Variants in SYNDIG1L observed in about 807,000 individuals in gnomAD.
The protein encoded by SYNDIG1L is synapse differentiation inducing 1 like.
A neutral mutation model predicts 20.1 loss-of-function variants in SYNDIG1L; 13 were observed. The ratio of observed to expected loss-of-function variants is 0.65; its 90% CI spans 0.42 to 1.03. The LOEUF is 1.03. Among genes scored for constraint, SYNDIG1L ranks in the 50% least tolerant of loss-of-function variants. SYNDIG1L has a pLI of 0.00. For missense variants in SYNDIG1L, 294 were observed against 305.1 expected (o/e 0.96, Z 0.27); for synonymous variants, 128 against 129.3 (o/e 0.99, Z 0.07).
chr14:74,451,640 G>T, the SYNDIG1L span, among the ~76,000 whole-genome samples: 1 of 152,192 alleles, frequency 6.6e-6, no homozygotes, highest in African/African-American at 2.4e-5. Flanking sequence ...ATAAGCCATT[G>T]TTTGGGAGAA....
At chr14:74,416,914 G>A (rs1169733987) in intron 1 of SYNDIG1L, among the ~76,000 whole-genome samples, 1 of 152,204 alleles carries the variant, frequency 6.6e-6, no homozygotes, top group Non-Finnish European at 1.5e-5. Flanking sequence ...CTGAGGCATA[G>A]GAAAGTTGTA....
chr14:74,435,233 G>A, the SYNDIG1L span, among the ~76,000 whole-genome samples: 1 of 152,088 alleles, frequency 6.6e-6, no homozygotes, highest in Non-Finnish European at 1.5e-5. Context: ...AGTCTTCCAG[G>A]GACAACCAGG....
At chr14:74,453,202 C>A in the SYNDIG1L span, among the ~76,000 whole-genome samples, 1 of 151,458 alleles carries the variant, frequency 6.6e-6, no homozygotes, top group Admixed American at 6.6e-5. Flanking sequence ...CAAAAATTAG[C>A]CAGGCGTGGT....
the SYNDIG1L span, among the ~76,000 whole-genome samples, chr14:74,476,004 T>C: frequency 6.6e-6 from 1 of 152,218 alleles, no homozygotes. Context: ...TGGGATGTTT[T>C]CTCTTTGTTT....
the SYNDIG1L span, among the ~76,000 whole-genome samples, chr14:74,436,033 A>G: frequency 2.6e-5 from 4 of 152,314 alleles, no homozygotes; most frequent in African/African-American, 9.6e-5. Context: ...AGCATTTACT[A>G]TACACAGAAA....
chr14:74,447,493 T>G, the SYNDIG1L span, among the ~76,000 whole-genome samples: 4 of 151,376 alleles, frequency 2.6e-5, no homozygotes, highest in African/African-American at 9.7e-5. Context: ...AGGCTGAGGC[T>G]GGAGAATTGC....
chr14:74,427,789 C>T (rs907625561), upstream of SYNDIG1L, among the ~76,000 whole-genome samples: 1 of 152,092 alleles, frequency 6.6e-6, no homozygotes, highest in Non-Finnish European at 1.5e-5. Context: ...TAGACACACA[C>T]AGACACACAC....
At chr14:74,456,811 C>T in the SYNDIG1L span, among the ~76,000 whole-genome samples, 6 of 152,042 alleles carry the variant, frequency 3.9e-5, no homozygotes, top group East Asian at 3.9e-4. Flanking sequence ...TGGCTCTCGG[C>T]GGCAGGATTC....
At chr14:74,439,621 C>T in the SYNDIG1L span, among the ~76,000 whole-genome samples, 49 of 152,290 alleles carry the variant, frequency 3.2e-4, 2 homozygotes, top group South Asian at 9.7e-3. Context: ...TGGCTCATGC[C>T]TATAATCCCA....
chr14:74,476,689 T>G, the SYNDIG1L span: 1 of 884,096 alleles, frequency 1.1e-6, no homozygotes, highest in Non-Finnish European at 1.7e-6. Flanking sequence ...CCAGGACCCT[T>G]GAGCCACCTA....
Position 74,409,630 on chromosome 14 carries a change from A to G in SYNDIG1L, c.115T>C (p.Tyr39His), listed in dbSNP as rs777126419. 1.6e-5 allele frequency: 24 copies of G among 1,498,202 alleles called. No individual in the cohort carries two copies. Among genetic ancestry groups the G allele is most frequent in the Non-Finnish European group, 2.0e-5 (23 of 1,124,728 alleles). 92.8% of individuals were successfully genotyped at this position (1,498,202 alleles called of 1,614,324 possible). Residue 39 changes from tyrosine to histidine, a missense_variant, in exon 2 of 4, where the codon TAC (tyrosine) becomes CAC (histidine). Tyr to His is a moderately conservative substitution (Grantham distance 83). Coordinates refer to ENST00000331628, the MANE Select transcript of SYNDIG1L (RefSeq NM_001105579.2). The stretch of plus-strand genomic sequence containing the variant: ...CCAGCGCCACCTAGGAGGTAGGAGT[A>G]GAGCTTTTCCTGGCAGGACCAGCTG... The part of the protein sequence containing the change: ...PPSWSCQEKL[Y>H]SYLLGGAGPA...
intron 1 of SYNDIG1L, among the ~76,000 whole-genome samples, chr14:74,418,498 T>A (rs1452941707): frequency 1.3e-5 from 2 of 152,174 alleles, no homozygotes; most frequent in Non-Finnish European, 2.9e-5. Flanking sequence ...ATCATTGTGA[T>A]GATTGTAAAA....
At chr14:74,444,206 CCT>C in the SYNDIG1L span, among the ~76,000 whole-genome samples, 1 of 151,812 alleles carries the variant, frequency 6.6e-6, no homozygotes, top group Non-Finnish European at 1.5e-5. Context: ...ATTACAGGCA[CCT>C]GCCACCACAC....
chr14:74,459,525 C>T, the SYNDIG1L span, among the ~76,000 whole-genome samples: 10 of 152,240 alleles, frequency 6.6e-5, no homozygotes, highest in East Asian at 1.4e-3. Context: ...GAACAGTTCT[C>T]GGGAATCATG....
intron 1 of SYNDIG1L, among the ~76,000 whole-genome samples, chr14:74,425,572 A>G (rs957910391): frequency 6.6e-6 from 1 of 152,070 alleles, no homozygotes; most frequent in Non-Finnish European, 1.5e-5. Flanking sequence ...GTGTCGCAAA[A>G]CCTTGGTGGG....
chr14:74,465,846 C>T, the SYNDIG1L span, among the ~76,000 whole-genome samples: 932 of 152,208 alleles, frequency 6.1e-3, 10 homozygotes, highest in African/African-American at 0.019. Flanking sequence ...TAATCAAAGC[C>T]CTAGGGTCAG....
chr14:74,435,858 G>A, the SYNDIG1L span, among the ~76,000 whole-genome samples: 5 of 152,190 alleles, frequency 3.3e-5, no homozygotes, highest in Middle Eastern at 3.2e-3. Flanking sequence ...TGCTAGAGCC[G>A]TCAGGAGTTC....
At chr14:74,473,338 T>G in the SYNDIG1L span, among the ~76,000 whole-genome samples, 10 of 152,102 alleles carry the variant, frequency 6.6e-5, 1 homozygote, top group South Asian at 1.9e-3. Context: ...TGAGATGAGA[T>G]CATGCCACTG....
At chr14:74,424,894 A>T (rs1378341841) in intron 1 of SYNDIG1L, among the ~76,000 whole-genome samples, 1 of 152,132 alleles carries the variant, frequency 6.6e-6, no homozygotes, top group Non-Finnish European at 1.5e-5. Flanking sequence ...TCCAGGGGTG[A>T]GGAGGATGAG....
Sources: gnomAD v4.1 joint callset for allele counts (sites outside exome capture counted in the v4.1 genomes callset) on GRCh38, gnomAD v4.1.1 for gene constraint, MANE v1.5 for transcripts, NCBI Gene and HGNC (gene_info 2026-07-23, HGNC 2026-07-21) for gene names.